DOCK5: variants seen among roughly 807,000 people sequenced by gnomAD.
The protein encoded by DOCK5 is dedicator of cytokinesis protein 5.
A neutral mutation model predicts 251.8 loss-of-function variants in DOCK5; 142 were observed. That is an observed-to-expected ratio of 0.56 (90% CI 0.49 to 0.65). DOCK5 has a LOEUF of 0.65. Among genes scored for constraint, DOCK5 ranks in the 30% least tolerant of loss-of-function variants. The probability of loss-of-function intolerance (pLI) is 0.00; values close to 1 mark genes in which losing one functional copy is unlikely to be tolerated. For synonymous variants in DOCK5, 842 were observed against 835.5 expected (o/e 1.01, Z -0.13); for missense variants, 2,111 against 2,312.3 (o/e 0.91, Z 1.79).
chr8:25,337,457 C>T (rs1350544919), intron 22 of DOCK5, among the ~76,000 whole-genome samples: 1 of 149,078 alleles, frequency 6.7e-6, no homozygotes, highest in Non-Finnish European at 1.5e-5. Context: ...AGTAATACCT[C>T]ATCTAGAAAT....
intron 5 of DOCK5, among the ~76,000 whole-genome samples, chr8:25,279,620 A>G (rs1318474406): frequency 6.6e-6 from 1 of 151,416 alleles, no homozygotes; most frequent in Admixed American, 6.6e-5. Flanking sequence ...TTTTTATTTT[A>G]TTTATTTATT....
At chr8:25,310,595 C>T (rs1586317594) in intron 13 of DOCK5, 63 bp downstream of exon 13, 16 of 1,501,218 alleles carry the variant, frequency 1.1e-5, no homozygotes, top group East Asian at 9.3e-5. Context: ...TCTTATTGGA[C>T]GGTGGAGGCA....
intron 1 of DOCK5, among the ~76,000 whole-genome samples, chr8:25,236,034 G>A (rs1290891555): frequency 6.6e-6 from 1 of 152,064 alleles, no homozygotes; most frequent in African/African-American, 2.4e-5. Flanking sequence ...CTGGCCTCAA[G>A]TGAGCCACCT....
chr8:25,294,924 A>G (rs1804581159), intron 6 of DOCK5, among the ~76,000 whole-genome samples: 1 of 152,130 alleles, frequency 6.6e-6, no homozygotes, highest in African/African-American at 2.4e-5. Flanking sequence ...CTCTATCACG[A>G]GAACAGCACC....
intron 27 of DOCK5, among the ~76,000 whole-genome samples, chr8:25,352,244 C>G (rs1586353693): frequency 2.3e-5 from 1 of 43,130 alleles, no homozygotes; most frequent in Admixed American, 3.7e-4. Flanking sequence ...AAGCAGCAAG[C>G]AGGGAGGGAA....
At chr8:25,224,522 G>T (rs1298918201) in intron 1 of DOCK5, among the ~76,000 whole-genome samples, 1 of 152,218 alleles carries the variant, frequency 6.6e-6, no homozygotes, top group Non-Finnish European at 1.5e-5. Context: ...GCAAGGAAGT[G>T]TGTCACTCTG....
Position 25,338,375 on chromosome 8 carries a change from G to A in DOCK5, c.2327+2002G>A, listed in dbSNP as rs575166835. Among the ~76,000 whole-genome samples the A allele has an allele frequency of 3.4e-4, 52 of 152,196 alleles. No homozygotes were observed. The South Asian group carries it at 0.011, about 32-fold the overall frequency. ...AATAGTATGAAAACTTCATGTGACA[G>A]GGTTGTAATTTATTTTTTCATTCTT... On this transcript the variant is annotated intron_variant, in intron 22 of 51. Coordinates refer to ENST00000276440, the MANE Select transcript of DOCK5 (RefSeq NM_024940.8).
At chr8:25,282,609 A>C (rs1804226441) in intron 5 of DOCK5, among the ~76,000 whole-genome samples, 1 of 152,076 alleles carries the variant, frequency 6.6e-6, no homozygotes, top group Non-Finnish European at 1.5e-5. Context: ...CTGTAATCCC[A>C]TCCCTTTGGG....
intron 1 of DOCK5, among the ~76,000 whole-genome samples, chr8:25,234,187 A>G (rs1167013369): frequency 1.3e-5 from 2 of 152,246 alleles, no homozygotes; most frequent in Non-Finnish European, 2.9e-5. Context: ...ATGTACATAT[A>G]GAGAGGATAA....
chr8:25,226,743 G>A (rs1802544625), intron 1 of DOCK5, among the ~76,000 whole-genome samples: 1 of 151,850 alleles, frequency 6.6e-6, no homozygotes, highest in Admixed American at 6.6e-5. Context: ...CCGCCACCAC[G>A]CCCGGCTAAT....
chr8:25,337,589 T>G (rs1051570808), intron 22 of DOCK5, among the ~76,000 whole-genome samples: 1 of 149,836 alleles, frequency 6.7e-6, no homozygotes. Context: ...TAGATTCTTT[T>G]TTTTTTTTTT....
intron 5 of DOCK5, among the ~76,000 whole-genome samples, chr8:25,285,929 G>A (rs1287753174): frequency 6.6e-6 from 1 of 152,140 alleles, no homozygotes; most frequent in African/African-American, 2.4e-5. Context: ...GGTGCTTTGG[G>A]TATTTTTCCA....
At chr8:25,355,197 G>C (rs922540550) in intron 27 of DOCK5, among the ~76,000 whole-genome samples, 2 of 152,096 alleles carry the variant, frequency 1.3e-5, no homozygotes, top group Non-Finnish European at 2.9e-5. Flanking sequence ...AGGTGCCACT[G>C]TGCTTCAGCC....
intron 1 of DOCK5, among the ~76,000 whole-genome samples, chr8:25,195,824 T>TA (rs1801711280): frequency 6.6e-6 from 1 of 152,224 alleles, no homozygotes; most frequent in South Asian, 2.1e-4. Context: ...AATGTAAAGT[T>TA]ATGAGGACAC....
chr8:25,323,844 T>G lies in DOCK5; in HGVS notation c.1616-4T>G, dbSNP rs755154975. The G allele has an allele frequency of 1.9e-6, 3 of 1,612,360 alleles. No individual in the cohort carries two copies. Among genetic ancestry groups the G allele is most frequent in the Middle Eastern group, 1.7e-4 (1 of 6,058 alleles). On this transcript the variant is annotated splice_polypyrimidine_tract_variant and splice_region_variant and intron_variant, in intron 16 of 51. Coordinates refer to ENST00000276440, the MANE Select transcript of DOCK5 (RefSeq NM_024940.8). ...TGCTCAGACATGTCTTTCTGCCTTT[T>G]CAGCCAGAGATAAATCGGAGCGAGC...
intron 1 of DOCK5, among the ~76,000 whole-genome samples, chr8:25,201,524 G>A (rs559861306): frequency 2.0e-5 from 3 of 152,146 alleles, no homozygotes; most frequent in Non-Finnish European, 2.9e-5. Flanking sequence ...ACTTTAGAAC[G>A]CTGATTACTA....
intron 44 of DOCK5, among the ~76,000 whole-genome samples, chr8:25,394,657 A>G (rs1486336854): frequency 6.6e-6 from 1 of 152,152 alleles, no homozygotes; most frequent in African/African-American, 2.4e-5. Flanking sequence ...TGATCTTCTC[A>G]AAAGTCTCCA....
At chr8:25,193,654 C>T (rs922745423) in intron 1 of DOCK5, among the ~76,000 whole-genome samples, 1 of 151,906 alleles carries the variant, frequency 6.6e-6, no homozygotes, top group East Asian at 1.9e-4. Context: ...GTCCCACCTA[C>T]TTGGGAGGCT....
At chr8:25,315,056 G>A (rs903086137) in intron 13 of DOCK5, among the ~76,000 whole-genome samples, 20 of 146,062 alleles carry the variant, frequency 1.4e-4, no homozygotes, top group African/African-American at 4.5e-4. Flanking sequence ...GTTCTATTCT[G>A]TAAGCACACC....
Sources: allele counts gnomAD v4.1 joint callset (sites outside exome capture counted in the v4.1 genomes callset), GRCh38; gene constraint gnomAD v4.1.1; transcripts MANE v1.5; gene names NCBI Gene and HGNC (gene_info 2026-07-23, HGNC 2026-07-21).